Variants in ZNF469 observed in about 807,000 individuals in gnomAD.
ZNF469 encodes zinc finger protein 469.
ZNF469 carries 1 observed loss-of-function variant against 1.0 expected under a neutral mutation model. That is an observed-to-expected ratio of 1.00 (90% CI 0.35 to 4.73). ZNF469 has a LOEUF of 4.73. Ranked by LOEUF, ZNF469 falls within the 30% of genes most tolerant of loss-of-function variation. ZNF469 has a pLI of 0.16. For missense variants in ZNF469, 6,100 were observed against 5,356.3 expected (o/e 1.14, Z -4.33); for synonymous variants, 2,703 against 2,363.4 (o/e 1.14, Z -4.17).
At chr16:88,257,355 T>C in the ZNF469 span, among the ~76,000 whole-genome samples, 3 of 152,044 alleles carry the variant, frequency 2.0e-5, no homozygotes, top group African/African-American at 7.2e-5. Flanking sequence ...TAAATTGGGT[T>C]GTTTATTTTC....
chr16:88,144,491 G>A, the ZNF469 span, among the ~76,000 whole-genome samples: 84,288 of 152,114 alleles, frequency 0.55, 27,964 homozygotes, highest in Non-Finnish European at 0.76. Flanking sequence ...ACCCCAGCCC[G>A]TGACACGTGA....
At chr16:88,228,471 G>A in the ZNF469 span, among the ~76,000 whole-genome samples, 1 of 152,250 alleles carries the variant, frequency 6.6e-6, no homozygotes, top group African/African-American at 2.4e-5. Context: ...GAGCAGAGGA[G>A]AGGGCACGGC....
At chr16:88,263,879 T>C in the ZNF469 span, among the ~76,000 whole-genome samples, 1 of 151,786 alleles carries the variant, frequency 6.6e-6, no homozygotes, top group Non-Finnish European at 1.5e-5. Flanking sequence ...TCCTGCCTCC[T>C]TGCTGGGGCA....
the ZNF469 span, among the ~76,000 whole-genome samples, chr16:88,104,601 C>T: frequency 6.6e-6 from 1 of 152,262 alleles, no homozygotes; most frequent in Non-Finnish European, 1.5e-5. Flanking sequence ...TTGGGAGTGT[C>T]TCCCTCGCTC....
At chr16:88,156,389 A>T in the ZNF469 span, among the ~76,000 whole-genome samples, 1 of 152,120 alleles carries the variant, frequency 6.6e-6, no homozygotes, top group Non-Finnish European at 1.5e-5. Context: ...CCCTTGATCT[A>T]CTGTGAGTCC....
chr16:88,324,150 T>C, the ZNF469 span, among the ~76,000 whole-genome samples: 1 of 152,178 alleles, frequency 6.6e-6, no homozygotes, highest in Non-Finnish European at 1.5e-5. Context: ...ACGGGGCCTG[T>C]TCGGGGCTAC....
At chr16:88,308,419 T>C in the ZNF469 span, among the ~76,000 whole-genome samples, 1 of 152,168 alleles carries the variant, frequency 6.6e-6, no homozygotes, top group South Asian at 2.1e-4. Context: ...GATTTTAAAA[T>C]CATCTGATTC....
the ZNF469 span, among the ~76,000 whole-genome samples, chr16:88,226,019 G>A: frequency 6.6e-5 from 10 of 152,038 alleles, no homozygotes; most frequent in Admixed American, 3.9e-4. Flanking sequence ...CAGGATGGTC[G>A]CCCCCCACCT....
At chr16:88,310,657 A>G in the ZNF469 span, among the ~76,000 whole-genome samples, 35 of 151,142 alleles carry the variant, frequency 2.3e-4, no homozygotes, top group Non-Finnish European at 4.9e-4. Context: ...ATCTCGGCTC[A>G]CTGCAACCTC....
the ZNF469 span, among the ~76,000 whole-genome samples, chr16:88,117,459 G>C: frequency 6.6e-6 from 1 of 152,220 alleles, no homozygotes; most frequent in African/African-American, 2.4e-5. Flanking sequence ...TTTACTTGGA[G>C]AGACAATTCA....
the ZNF469 span, among the ~76,000 whole-genome samples, chr16:88,225,066 C>T: frequency 0.098 from 14,929 of 152,260 alleles, 1,152 homozygotes; most frequent in African/African-American, 0.21. Context: ...TCCTCACTGG[C>T]CCCCCTGCCC....
chr16:88,381,468 C>G (rs2092525191), upstream of ZNF469, among the ~76,000 whole-genome samples: 1 of 152,120 alleles, frequency 6.6e-6, no homozygotes, highest in Non-Finnish European at 1.5e-5. Flanking sequence ...TTCTTAGAAA[C>G]AAGAACAGAC....
the ZNF469 span, among the ~76,000 whole-genome samples, chr16:88,229,300 C>T: frequency 2.0e-4 from 31 of 152,248 alleles, no homozygotes; most frequent in African/African-American, 7.5e-4. Context: ...CCGCGAGCAG[C>T]CCGTCAGGCG....
the ZNF469 span, among the ~76,000 whole-genome samples, chr16:88,188,262 G>A: frequency 6.6e-6 from 1 of 152,012 alleles, no homozygotes; most frequent in African/African-American, 2.4e-5. Flanking sequence ...AGCACCACAG[G>A]CTGCTCCCTC....
intron 1 of ZNF469, among the ~76,000 whole-genome samples, chr16:88,401,828 G>T (rs1312004068): frequency 2.6e-5 from 4 of 151,370 alleles, no homozygotes; most frequent in African/African-American, 9.7e-5. Context: ...TGCTTGGGTG[G>T]ATGGATGGTG....
chr16:88,174,522 T>C, the ZNF469 span, among the ~76,000 whole-genome samples: 2 of 126,356 alleles, frequency 1.6e-5, no homozygotes, highest in Non-Finnish European at 3.2e-5. Context: ...ATCATCTATC[T>C]GTAGTTGATC....
the ZNF469 span, among the ~76,000 whole-genome samples, chr16:88,329,612 C>G: frequency 0.11 from 17,107 of 152,270 alleles, 1,045 homozygotes; most frequent in South Asian, 0.21. Flanking sequence ...CTGAAGGCCC[C>G]AAATCCTGGG....
chr16:88,400,677 G>A (rs905075678), intron 1 of ZNF469, among the ~76,000 whole-genome samples: 3 of 152,214 alleles, frequency 2.0e-5, no homozygotes, highest in African/African-American at 4.8e-5. Context: ...GCGGGTGGTC[G>A]GCAGTGCAAG....
the ZNF469 span, among the ~76,000 whole-genome samples, chr16:88,180,027 T>G: frequency 9.1e-3 from 1,389 of 152,242 alleles, 2 homozygotes; most frequent in Non-Finnish European, 0.016. Context: ...AAGGCAATAG[T>G]GAAGATAAAA....
Sources: gnomAD v4.1 joint callset for allele counts (sites outside exome capture counted in the v4.1 genomes callset) on GRCh38, gnomAD v4.1.1 for gene constraint, MANE v1.5 for transcripts, NCBI Gene and HGNC (gene_info 2026-07-23, HGNC 2026-07-21) for gene names.